The following SETBP1 variants were observed in gnomAD, a reference collection of about 807,000 sequenced individuals.
SETBP1 encodes the protein SET binding protein 1, also known as SET-binding protein.
Under a neutral mutation model 101.0 loss-of-function variants are expected in SETBP1, and 9 were observed. That is an observed-to-expected ratio of 0.09 (90% CI 0.05 to 0.16). The LOEUF (loss-of-function observed/expected upper bound fraction) is 0.16. SETBP1 is among the 10% of genes least tolerant of loss of function. SETBP1 has a pLI of 1.00. For synonymous variants in SETBP1, 818 were observed against 788.5 expected (o/e 1.04, Z -0.63); for missense variants, 1,858 against 2,033.8 (o/e 0.91, Z 1.66).
chr18:44,942,813 G>A (rs963963849), intron 3 of SETBP1, among the ~76,000 whole-genome samples: 1 of 152,154 alleles, frequency 6.6e-6, no homozygotes. Flanking sequence ...GTATATGGTA[G>A]GGCCCTCTGT....
chr18:44,683,468 T>C (rs1268695548), intron 1 of SETBP1, among the ~76,000 whole-genome samples: 1 of 152,228 alleles, frequency 6.6e-6, no homozygotes, highest in Non-Finnish European at 1.5e-5. Context: ...GGTAGGTACT[T>C]TCCCCTGGAT....
At chr18:44,852,416 C>T (rs2072889315) in intron 2 of SETBP1, among the ~76,000 whole-genome samples, 1 of 152,200 alleles carries the variant, frequency 6.6e-6, no homozygotes, top group Non-Finnish European at 1.5e-5. Flanking sequence ...TCCGTATTCC[C>T]ATGAAGCTGG....
intron 4 of SETBP1, among the ~76,000 whole-genome samples, chr18:45,022,179 T>C (rs1170100456): frequency 3.9e-5 from 6 of 152,222 alleles, no homozygotes; most frequent in Admixed American, 3.9e-4. Context: ...ACATCCTTCA[T>C]GACTCCATAT....
chr18:44,749,330 T>C (rs2070331588), intron 2 of SETBP1, among the ~76,000 whole-genome samples: 1 of 152,164 alleles, frequency 6.6e-6, no homozygotes, highest in African/African-American at 2.4e-5. Context: ...AAAATTACAG[T>C]GGAACCAGAG....
At chr18:44,696,395 C>T (rs866680772) in intron 1 of SETBP1, among the ~76,000 whole-genome samples, 5 of 152,240 alleles carry the variant, frequency 3.3e-5, no homozygotes, top group South Asian at 2.1e-4. Flanking sequence ...TAAAAGCTGG[C>T]GTGTTGGGTC....
intron 3 of SETBP1, chr18:44,876,606 A>G: frequency 3.2e-6 from 5 of 1,551,484 alleles, no homozygotes; most frequent in Non-Finnish European, 4.4e-6. Context: ...AGAGAAGAGG[A>G]GGCCAAGGCA....
intron 4 of SETBP1, among the ~76,000 whole-genome samples, chr18:44,982,172 T>A (rs2072128777): frequency 6.6e-6 from 1 of 152,232 alleles, no homozygotes; most frequent in Non-Finnish European, 1.5e-5. Context: ...AAATGACACT[T>A]CCAATAACAT....
intron 4 of SETBP1, among the ~76,000 whole-genome samples, chr18:44,990,871 G>C (rs1355491433): frequency 1.5e-5 from 2 of 137,378 alleles, no homozygotes; most frequent in Non-Finnish European, 3.1e-5. Flanking sequence ...TAATATCTAA[G>C]TTAGCCACTA....
chr18:44,738,666 C>T (rs893113305), intron 2 of SETBP1, among the ~76,000 whole-genome samples: 5 of 150,794 alleles, frequency 3.3e-5, no homozygotes, highest in African/African-American at 1.2e-4. Context: ...GCCAGCTCCT[C>T]AGGAGGCTGA....
At chr18:45,040,656 T>C (rs1676959558) in intron 5 of SETBP1, among the ~76,000 whole-genome samples, 11 of 152,208 alleles carry the variant, frequency 7.2e-5, no homozygotes, top group Admixed American at 5.2e-4. Context: ...ATTGTTGGGA[T>C]CACATGCTTA....
At chr18:45,043,858 G>A (rs2073558874) in intron 5 of SETBP1, among the ~76,000 whole-genome samples, 1 of 152,156 alleles carries the variant, frequency 6.6e-6, no homozygotes, top group Non-Finnish European at 1.5e-5. Context: ...ATGAAATTCA[G>A]CATACTAGTA....
At chr18:44,687,541 G>A (rs527883938) in intron 1 of SETBP1, among the ~76,000 whole-genome samples, 2 of 152,168 alleles carry the variant, frequency 1.3e-5, no homozygotes, top group African/African-American at 2.4e-5. Flanking sequence ...AGGCAATGGT[G>A]AGCTGAATGT....
At chr18:44,799,235 G>A (rs529453406) in intron 2 of SETBP1, among the ~76,000 whole-genome samples, 6 of 152,252 alleles carry the variant, frequency 3.9e-5, no homozygotes, top group Non-Finnish European at 8.8e-5. Flanking sequence ...AGACAGGTGA[G>A]AACCTTTGTG....
chr18:44,781,913 T>G (rs2071139123), intron 2 of SETBP1, among the ~76,000 whole-genome samples: 2 of 152,226 alleles, frequency 1.3e-5, no homozygotes, highest in African/African-American at 4.8e-5. Flanking sequence ...CTTAAGGGAC[T>G]GTAATACTGT....
At chr18:44,796,613 T>C (rs1245314683) in intron 2 of SETBP1, among the ~76,000 whole-genome samples, 1 of 152,214 alleles carries the variant, frequency 6.6e-6, no homozygotes, top group Non-Finnish European at 1.5e-5. Context: ...ATGAATAGTC[T>C]GAGGCCCAGG....
intron 2 of SETBP1, among the ~76,000 whole-genome samples, chr18:44,760,035 C>T (rs1412891536): frequency 6.6e-6 from 1 of 152,178 alleles, no homozygotes; most frequent in Non-Finnish European, 1.5e-5. Flanking sequence ...CTCAGCTGAG[C>T]ATTGTCAGGA....
intron 5 of SETBP1, among the ~76,000 whole-genome samples, chr18:45,062,720 G>A (rs2145591166): frequency 6.6e-6 from 1 of 152,144 alleles, no homozygotes; most frequent in African/African-American, 2.4e-5. Flanking sequence ...AGAAATAATG[G>A]GAAGATTTAT....
intron 4 of SETBP1, among the ~76,000 whole-genome samples, chr18:44,956,638 T>A (rs2071488732): frequency 6.6e-6 from 1 of 152,222 alleles, no homozygotes; most frequent in African/African-American, 2.4e-5. Flanking sequence ...ATAGATGTCA[T>A]CCTTTTTAGC....
At chr18:44,682,750 G>A (rs958670539) in intron 1 of SETBP1, among the ~76,000 whole-genome samples, 1 of 152,208 alleles carries the variant, frequency 6.6e-6, no homozygotes, top group Admixed American at 6.5e-5. Context: ...ATGGAGACCA[G>A]GTACCCAGAG....
Sources: gnomAD v4.1 joint callset for allele counts (sites outside exome capture counted in the v4.1 genomes callset) on GRCh38, gnomAD v4.1.1 for gene constraint, MANE v1.5 for transcripts, NCBI Gene and HGNC (gene_info 2026-07-23, HGNC 2026-07-21) for gene names.